Variants in AGBL1 observed in about 807,000 individuals in gnomAD.
The protein encoded by AGBL1 is AGBL carboxypeptidase 1, also known as cytosolic carboxypeptidase 4.
Under a neutral mutation model 118.9 loss-of-function variants are expected in AGBL1, and 130 were observed. That is an observed-to-expected ratio of 1.09 (90% CI 0.95 to 1.26). The LOEUF (loss-of-function observed/expected upper bound fraction) is 1.26. Among genes scored for constraint, AGBL1 ranks in the 50% most tolerant of loss-of-function variants. AGBL1 has a pLI of 0.00. For synonymous variants in AGBL1, 555 were observed against 478.9 expected, an observed-to-expected ratio of 1.16 and a Z score of -2.08; for missense variants, 1,584 against 1,298.1, an observed-to-expected ratio of 1.22 and a Z score of -3.38.
chr15:86,422,266 T>C (rs1349658447), intron 18 of AGBL1, among the ~76,000 whole-genome samples: 2 of 152,120 alleles, frequency 1.3e-5, no homozygotes, highest in Non-Finnish European at 2.9e-5. Flanking sequence ...CAAAGTGCAA[T>C]CAAATTAGAT....
chr15:86,582,453 G>A (rs2084183384), intron 21 of AGBL1, among the ~76,000 whole-genome samples: 1 of 152,120 alleles, frequency 6.6e-6, no homozygotes, highest in Admixed American at 6.6e-5. Context: ...AGTCGGTGTG[G>A]TGATTCCTCA....
At chr15:86,600,438 C>A (rs2142369686) in intron 21 of AGBL1, among the ~76,000 whole-genome samples, 1 of 152,260 alleles carries the variant, frequency 6.6e-6, no homozygotes, top group South Asian at 2.1e-4. Flanking sequence ...TCTTAAAGGT[C>A]TTGCAAAAGG....
intron 17 of AGBL1, among the ~76,000 whole-genome samples, chr15:86,388,108 G>T (rs2081223571): frequency 6.6e-6 from 1 of 152,176 alleles, no homozygotes; most frequent in South Asian, 2.1e-4. Context: ...CAGCTTAAGA[G>T]TTTGTAAAAG....
chr15:86,787,033 T>C (rs1451078217), intron 22 of AGBL1, among the ~76,000 whole-genome samples: 1 of 152,238 alleles, frequency 6.6e-6, no homozygotes, highest in African/African-American at 2.4e-5. Flanking sequence ...TTGGTGGTGT[T>C]TGCCTAATTG....
intron 19 of AGBL1, among the ~76,000 whole-genome samples, chr15:86,528,863 G>T (rs1419607912): frequency 1.2e-3 from 19 of 15,312 alleles, no homozygotes; most frequent in African/African-American, 8.5e-3. Flanking sequence ...CACCTCACAC[G>T]GCAGGGTATT....
At chr15:86,885,792 A>G (rs1210824114) in intron 22 of AGBL1, among the ~76,000 whole-genome samples, 1 of 152,228 alleles carries the variant, frequency 6.6e-6, no homozygotes, top group Admixed American at 6.5e-5. Flanking sequence ...CCCAAGAGCC[A>G]TCTGGTTTTC....
intron 24 of AGBL1, among the ~76,000 whole-genome samples, chr15:87,010,154 T>A (rs28775892): frequency 0.099 from 15,038 of 152,096 alleles, 1,316 homozygotes; most frequent in African/African-American, 0.23. Context: ...CTATGTGTTG[T>A]GAGAGGAACC....
chr15:86,523,903 C>A (rs2083224763), intron 19 of AGBL1, among the ~76,000 whole-genome samples: 1 of 152,156 alleles, frequency 6.6e-6, no homozygotes, highest in Non-Finnish European at 1.5e-5. Flanking sequence ...TGTGAACATA[C>A]CTGTCTACAA....
At chr15:86,370,763 C>T (rs2080960096) in intron 17 of AGBL1, among the ~76,000 whole-genome samples, 1 of 152,234 alleles carries the variant, frequency 6.6e-6, no homozygotes, top group African/African-American at 2.4e-5. Flanking sequence ...CCTTTCTCCT[C>T]CTTCCACTCC....
intron 18 of AGBL1, among the ~76,000 whole-genome samples, chr15:86,506,522 C>T (rs1234837503): frequency 6.6e-6 from 1 of 152,070 alleles, no homozygotes; most frequent in South Asian, 2.1e-4. Flanking sequence ...TTCCTTTTGC[C>T]TGTGAACAGA....
At chr15:86,450,259 C>T (rs753907115) in intron 18 of AGBL1, among the ~76,000 whole-genome samples, 1 of 152,224 alleles carries the variant, frequency 6.6e-6, no homozygotes, top group Admixed American at 6.5e-5. Flanking sequence ...CCATTAGATT[C>T]TCCCAGGAGA....
rs1181208183 is a variant in AGBL1 at position 86,911,594 on chromosome 15, TGTGA to T, written c.*4304_*4307del. ...CTTTCTCTCTCATCGCACTTATGCTTGTGAGTGTCTACACACATATGCACATGCA... is the reference window on the plus strand; with the variant it reads ...CTTTCTCTCTCATCGCACTTATGCTTGTGTCTACACACATATGCACATGCA... On this transcript the variant is annotated 3_prime_UTR_variant, in exon 23 of 23. Coordinates refer to ENST00000614907, the MANE Select transcript of AGBL1 (RefSeq NM_001386094.1). 6.6e-6 allele frequency: 1 copy of T among 152,164 alleles called. No individual in the cohort carries two copies. The highest frequency in any genetic ancestry group is 6.5e-5 in the Admixed American group (1 of 15,274). 9.4% of individuals were successfully genotyped at this position (152,164 alleles called of 1,614,324 possible).
intron 17 of AGBL1, among the ~76,000 whole-genome samples, chr15:86,355,971 T>TGCA (rs2080709421): frequency 6.6e-6 from 1 of 152,190 alleles, no homozygotes; most frequent in Non-Finnish European, 1.5e-5. Flanking sequence ...TGCTTGCCTG[T>TGCA]CTTCTTTTCA....
chr15:86,345,154 TAACCA>T (rs1021666742), intron 17 of AGBL1, among the ~76,000 whole-genome samples: 9 of 152,052 alleles, frequency 5.9e-5, no homozygotes, highest in Non-Finnish European at 8.8e-5. Flanking sequence ...AGCTTTATAT[TAACCA>T]TCTTATTTTA....
chr15:86,087,214 A>C lies in AGBL1; in HGVS notation c.51+7191A>C, dbSNP rs532703210. On this transcript the variant is annotated intron_variant, in intron 1 of 22. Coordinates refer to ENST00000614907, the MANE Select transcript of AGBL1 (RefSeq NM_001386094.1). The stretch of plus-strand genomic sequence containing the variant: ...CATAGCATTTATTTCTTTTGTGTTC[A>C]GTTCCCTCTTCTTGGTCCTTTTCAT... Among the ~76,000 whole-genome samples the C allele has an allele frequency of 2.2e-3, 335 of 152,286 alleles. 15 individuals are homozygous for C. The South Asian group carries it at 0.066, about 30-fold the overall frequency.
chr15:86,747,878 T>C (rs1157781501), intron 22 of AGBL1, among the ~76,000 whole-genome samples: 3 of 152,208 alleles, frequency 2.0e-5, no homozygotes, highest in Non-Finnish European at 4.4e-5. Flanking sequence ...CAGTCTATCG[T>C]TGATGGACAT....
At chr15:86,658,579 C>G (rs1175628144) in intron 21 of AGBL1, among the ~76,000 whole-genome samples, 1 of 152,146 alleles carries the variant, frequency 6.6e-6, no homozygotes, top group Admixed American at 6.6e-5. Flanking sequence ...AACTATGACT[C>G]TTACAGCCTC....
chr15:86,295,600 G>A (rs945460686), intron 17 of AGBL1, 192 bp downstream of exon 17: 15 of 465,328 alleles, frequency 3.2e-5, no homozygotes, highest in Admixed American at 2.4e-4. Flanking sequence ...GTTGTTAAAG[G>A]GAGAGAAAAT....
intron 18 of AGBL1, among the ~76,000 whole-genome samples, chr15:86,423,750 A>G (rs2081825645): frequency 6.6e-6 from 1 of 152,222 alleles, no homozygotes; most frequent in Non-Finnish European, 1.5e-5. Context: ...TAACAGACAG[A>G]GAGCCAAATC....
Sources: gnomAD v4.1 joint callset for allele counts (sites outside exome capture counted in the v4.1 genomes callset) on GRCh38, gnomAD v4.1.1 for gene constraint, MANE v1.5 for transcripts, NCBI Gene and HGNC (gene_info 2026-07-23, HGNC 2026-07-21) for gene names.